PRKG1: variants seen among roughly 807,000 people sequenced by gnomAD.
PRKG1 encodes protein kinase cGMP-dependent 1, also known as cGMP-dependent protein kinase 1.
PRKG1 carries 35 observed loss-of-function variants against 88.1 expected under a neutral mutation model. The observed-to-expected ratio is 0.40, with a 90% CI of 0.30 to 0.53. The LOEUF (loss-of-function observed/expected upper bound fraction) is 0.53. PRKG1 is among the 20% of genes least tolerant of loss of function. The pLI is 0.59. For synonymous variants in PRKG1, 303 were observed against 292.5 expected, an observed-to-expected ratio of 1.04 and a Z score of -0.37; for missense variants, 540 against 839.8, an observed-to-expected ratio of 0.64 and a Z score of 4.41.
chr10:52,196,660 C>T (rs893616296), intron 9 of PRKG1, among the ~76,000 whole-genome samples: 2 of 152,114 alleles, frequency 1.3e-5, no homozygotes, highest in Non-Finnish European at 2.9e-5. Flanking sequence ...TAGAGGTGAA[C>T]TTGCTAATGC....
At chr10:51,257,481 C>T (rs1301628776) in intron 2 of PRKG1, among the ~76,000 whole-genome samples, 1 of 152,092 alleles carries the variant, frequency 6.6e-6, no homozygotes, top group African/African-American at 2.4e-5. Context: ...GCATCAGAAA[C>T]TGACTTAAAG....
At chr10:51,384,290 T>G (rs1398851946) in intron 2 of PRKG1, among the ~76,000 whole-genome samples, 2 of 152,128 alleles carry the variant, frequency 1.3e-5, no homozygotes, top group African/African-American at 4.8e-5. Flanking sequence ...AGTTCTACCT[T>G]CATAAAAACA....
intron 4 of PRKG1, among the ~76,000 whole-genome samples, chr10:51,901,497 C>T (rs1455391828): frequency 3.9e-5 from 6 of 152,272 alleles, no homozygotes; most frequent in Middle Eastern, 3.4e-3. Flanking sequence ...GCATCTGGCA[C>T]GCATTCAACA....
At chr10:52,267,711 A>G (rs1284790565) in intron 10 of PRKG1, among the ~76,000 whole-genome samples, 1 of 152,058 alleles carries the variant, frequency 6.6e-6, no homozygotes, top group Admixed American at 6.6e-5. Flanking sequence ...CATAAAATGC[A>G]TGCTGACTTG....
At chr10:51,327,756 T>C (rs1159966279) in intron 2 of PRKG1, among the ~76,000 whole-genome samples, 1 of 152,180 alleles carries the variant, frequency 6.6e-6, no homozygotes, top group African/African-American at 2.4e-5. Flanking sequence ...TCTGAGTATA[T>C]AAATATGTCT....
At chr10:51,505,592 A>G (rs1405666420) in intron 3 of PRKG1, among the ~76,000 whole-genome samples, 3 of 152,082 alleles carry the variant, frequency 2.0e-5, no homozygotes, top group East Asian at 1.9e-4. Flanking sequence ...CTATGAATCC[A>G]TCTGGTCCTG....
intron 3 of PRKG1, among the ~76,000 whole-genome samples, chr10:51,479,103 A>G (rs1840283982): frequency 2.0e-5 from 3 of 152,012 alleles, no homozygotes; most frequent in African/African-American, 7.2e-5. Context: ...TGAATCTCCT[A>G]CCTGTGCTTT....
At chr10:51,925,191 G>T (rs185979872) in intron 5 of PRKG1, among the ~76,000 whole-genome samples, 1 of 93,822 alleles carries the variant, frequency 1.1e-5, no homozygotes, top group African/African-American at 4.6e-5. Flanking sequence ...GAGGTATTTA[G>T]TGGGAGGTTT....
intron 3 of PRKG1, among the ~76,000 whole-genome samples, chr10:51,499,310 G>A (rs1283326025): frequency 6.6e-6 from 1 of 152,136 alleles, no homozygotes; most frequent in Admixed American, 6.5e-5. Context: ...ATTACCATAG[G>A]ATGTGTCAGG....
intron 3 of PRKG1, among the ~76,000 whole-genome samples, chr10:51,631,601 T>C (rs1370690695): frequency 6.6e-6 from 1 of 152,226 alleles, no homozygotes; most frequent in East Asian, 1.9e-4. Context: ...GGTTAATCTG[T>C]ATTTGAAGCC....
At chr10:51,916,765 A>C (rs756658922) in intron 5 of PRKG1, among the ~76,000 whole-genome samples, 2 of 152,236 alleles carry the variant, frequency 1.3e-5, no homozygotes, top group East Asian at 1.9e-4. Context: ...AAGTGCAAAC[A>C]ACCCAAGTGG....
chr10:51,781,572 T>C (rs903834362), intron 3 of PRKG1, among the ~76,000 whole-genome samples: 5 of 152,180 alleles, frequency 3.3e-5, no homozygotes, highest in African/African-American at 1.2e-4. Context: ...AAAATCTTTT[T>C]ATACTGTTCA....
intron 3 of PRKG1, among the ~76,000 whole-genome samples, chr10:51,632,439 T>C (rs1248961617): frequency 1.3e-5 from 2 of 152,210 alleles, no homozygotes; most frequent in African/African-American, 2.4e-5. Flanking sequence ...TTTTATGAGC[T>C]TGTGCACGTG....
chr10:51,088,993 T>C (rs2131861521), intron 1 of PRKG1, among the ~76,000 whole-genome samples: 1 of 152,314 alleles, frequency 6.6e-6, no homozygotes, highest in East Asian at 1.9e-4. Context: ...GTGGATTGCC[T>C]GTGCTCCAAA....
intron 3 of PRKG1, among the ~76,000 whole-genome samples, chr10:51,494,062 T>A (rs1233028627): frequency 6.6e-6 from 1 of 152,186 alleles, no homozygotes; most frequent in Non-Finnish European, 1.5e-5. Flanking sequence ...AATTTATTAT[T>A]TGTTATTCTC....
At chr10:51,327,734 C>A (rs1841628554) in intron 2 of PRKG1, among the ~76,000 whole-genome samples, 1 of 152,058 alleles carries the variant, frequency 6.6e-6, no homozygotes, top group African/African-American at 2.4e-5. Flanking sequence ...CATTTTAACA[C>A]AATGATAAGT....
intron 3 of PRKG1, among the ~76,000 whole-genome samples, chr10:51,667,174 A>C (rs1840442850): frequency 6.6e-6 from 1 of 152,188 alleles, no homozygotes; most frequent in Admixed American, 6.5e-5. Flanking sequence ...GCAATATCTC[A>C]ATATTATTTA....
intron 2 of PRKG1, among the ~76,000 whole-genome samples, chr10:51,205,127 C>CTTTCTTTCTTTTTTT (rs1433048297): frequency 3.1e-5 from 2 of 64,030 alleles, no homozygotes; most frequent in African/African-American, 1.2e-4. Flanking sequence ...ATTTTCTTTT[C>CTTTCTTTCTTTTTTT]TTTTTTTTTT....
chr10:51,466,755 C>T, intron 2 of PRKG1, among the ~76,000 whole-genome samples: 1 of 151,902 alleles, frequency 6.6e-6, no homozygotes, highest in Non-Finnish European at 1.5e-5. Flanking sequence ...AATAAAGGAA[C>T]AATTATGAAA....
Sources: gnomAD v4.1 joint callset for allele counts (sites outside exome capture counted in the v4.1 genomes callset) on GRCh38, gnomAD v4.1.1 for gene constraint, MANE v1.5 for transcripts, NCBI Gene and HGNC (gene_info 2026-07-23, HGNC 2026-07-21) for gene names.